Variants in KIAA1217 observed in about 807,000 individuals in gnomAD.
KIAA1217 encodes the protein sickle tail protein homolog.
A neutral mutation model predicts 163.9 loss-of-function variants in KIAA1217; 88 were observed. The observed-to-expected ratio is 0.54, with a 90% CI of 0.45 to 0.64. The LOEUF is 0.64. Among genes scored for constraint, KIAA1217 ranks in the 30% least tolerant of loss-of-function variants. The probability of loss-of-function intolerance (pLI) is 0.00; values close to 1 mark genes in which losing one functional copy is unlikely to be tolerated. For synonymous variants in KIAA1217, 903 were observed against 923.1 expected (o/e 0.98, Z 0.39); for missense variants, 2,372 against 2,475.0 (o/e 0.96, Z 0.88).
At position 24,473,229 on chromosome 10, in the gene KIAA1217, T is replaced by G. The variant is rs2063714183; in HGVS notation, c.848T>G (p.Met283Arg). 1 of 1,510,712 alleles carries G rather than the reference T, an allele frequency of 6.6e-7. No homozygotes were observed. The highest frequency in any genetic ancestry group is 2.3e-5 in the Admixed American group (1 of 43,926). 93.6% of individuals were successfully genotyped at this position (1,510,712 alleles called of 1,614,324 possible). ...TCTGATCCCTTGTTTTCTTTTCAGA[T>G]GCAGAGAGAACTTGTTTATGCAAGA... ...TPKTMNGDMR[M>R]QRELVYARGD... Residue 283 changes from methionine (M) to arginine (R), a missense_variant and splice_region_variant, in exon 6 of 21, where the codon ATG (methionine) becomes AGG (arginine). Physicochemically the swap from Met to Arg is moderately conservative, Grantham distance 91. Coordinates refer to ENST00000376454, the MANE Select transcript of KIAA1217 (RefSeq NM_019590.5).
intron 2 of KIAA1217, chr10:24,367,033 G>T (rs1304380085): frequency 6.9e-6 from 2 of 290,736 alleles, no homozygotes; most frequent in Non-Finnish European, 1.0e-5. Flanking sequence ...TAAATAGGTG[G>T]TCCATTTGGT....
intron 1 of KIAA1217, among the ~76,000 whole-genome samples, chr10:23,968,727 G>T (rs1269855624): frequency 2.6e-5 from 4 of 152,074 alleles, no homozygotes; most frequent in Non-Finnish European, 5.9e-5. Context: ...CTATACAATG[G>T]GTGGTCTTTT....
At chr10:24,436,233 T>C (rs1418301607) in intron 4 of KIAA1217, among the ~76,000 whole-genome samples, 2 of 152,168 alleles carry the variant, frequency 1.3e-5, no homozygotes, top group Non-Finnish European at 2.9e-5. Context: ...ATTTATAAAT[T>C]TGTCTGTAAT....
At chr10:23,741,008 G>GT (rs1230792290) in intron 1 of KIAA1217, among the ~76,000 whole-genome samples, 3 of 152,176 alleles carry the variant, frequency 2.0e-5, no homozygotes, top group Non-Finnish European at 4.4e-5. Context: ...TCAAATGTTA[G>GT]TTTGCTCTTT....
intron 2 of KIAA1217, among the ~76,000 whole-genome samples, chr10:24,304,952 C>T (rs1190693343): frequency 6.6e-6 from 1 of 151,980 alleles, no homozygotes; most frequent in African/African-American, 2.4e-5. Flanking sequence ...ATTTAGAGCC[C>T]AGGGTACAGT....
intron 2 of KIAA1217, among the ~76,000 whole-genome samples, chr10:24,189,459 A>G (rs1412623578): frequency 6.6e-6 from 1 of 152,146 alleles, no homozygotes; most frequent in Non-Finnish European, 1.5e-5. Flanking sequence ...ATATTTTTCT[A>G]TCCCTTATCT....
chr10:24,494,298 G>T (rs1445679737), intron 6 of KIAA1217, among the ~76,000 whole-genome samples: 2 of 152,164 alleles, frequency 1.3e-5, no homozygotes, highest in South Asian at 2.1e-4. Flanking sequence ...AGCCAGTCAG[G>T]TCACTGGCTT....
At chr10:23,871,391 C>G (rs922898249) in intron 1 of KIAA1217, among the ~76,000 whole-genome samples, 1 of 152,156 alleles carries the variant, frequency 6.6e-6, no homozygotes, top group South Asian at 2.1e-4. Flanking sequence ...TGGGGTCTTG[C>G]TCTTCTAAGG....
intron 2 of KIAA1217, among the ~76,000 whole-genome samples, chr10:24,298,420 C>T (rs949098080): frequency 2.6e-5 from 4 of 152,126 alleles, no homozygotes; most frequent in African/African-American, 9.7e-5. Flanking sequence ...TTGAGAATTA[C>T]TGGCATGGAC....
Position 23,914,358 on chromosome 10 carries a change from A to AGGC in KIAA1217, c.-320-92866_-320-92864dup, listed in dbSNP as rs141006391. Reference sequence around the variant, plus strand: ...AAGATAGGATCTCACTCTGTTTCCCAGGCTGGAGTGTAGTGGCACAGTCAT... The same window carrying AGGC: ...AAGATAGGATCTCACTCTGTTTCCCAGGCGGCTGGAGTGTAGTGGCACAGTCAT... On this transcript the variant is annotated intron_variant, in intron 1 of 18. Coordinates refer to the KIAA1217 transcript ENST00000376462. 6.0e-3 allele frequency among the ~76,000 whole-genome samples: 912 copies of AGGC among 152,286 alleles called. 11 individuals are homozygous for AGGC. Among genetic ancestry groups the AGGC allele is most frequent in the African/African-American group, 0.021 (856 of 41,560 alleles).
intron 6 of KIAA1217, among the ~76,000 whole-genome samples, chr10:24,479,164 G>A (rs1266889063): frequency 6.6e-6 from 1 of 152,188 alleles, no homozygotes; most frequent in Non-Finnish European, 1.5e-5. Flanking sequence ...GTGTACAGGA[G>A]GAAGCCCACA....
chr10:24,061,642 G>A (rs1259025603), intron 2 of KIAA1217, among the ~76,000 whole-genome samples: 2 of 152,084 alleles, frequency 1.3e-5, no homozygotes, highest in Non-Finnish European at 2.9e-5. Flanking sequence ...TTGAAGAACA[G>A]TTTTGACCAG....
chr10:24,250,616 A>T (rs143859655), intron 2 of KIAA1217, among the ~76,000 whole-genome samples: 56,174 of 65,898 alleles, frequency 0.85, 23,225 homozygotes, highest in African/African-American at 0.88. Flanking sequence ...TTTTTTTTGT[A>T]TTGTTAATAG....
At chr10:24,385,411 C>G (rs1354792697) in intron 3 of KIAA1217, among the ~76,000 whole-genome samples, 2 of 152,190 alleles carry the variant, frequency 1.3e-5, no homozygotes, top group Non-Finnish European at 2.9e-5. Context: ...TTAGACATCA[C>G]TGGTGTCTGT....
chr10:23,851,011 A>AT (rs200995800), intron 1 of KIAA1217, among the ~76,000 whole-genome samples: 4 of 151,632 alleles, frequency 2.6e-5, no homozygotes, highest in Non-Finnish European at 5.9e-5. Flanking sequence ...GGGGATTACA[A>AT]TTTTTTTTAT....
chr10:24,434,076 G>A (rs909895032), intron 4 of KIAA1217, among the ~76,000 whole-genome samples: 8 of 113,324 alleles, frequency 7.1e-5, no homozygotes, highest in African/African-American at 1.4e-4. Context: ...TTGCTCTTTC[G>A]CCCAGGCTGG....
intron 1 of KIAA1217, among the ~76,000 whole-genome samples, chr10:23,858,931 T>C (rs1445007568): frequency 6.6e-6 from 1 of 152,220 alleles, no homozygotes; most frequent in Non-Finnish European, 1.5e-5. Flanking sequence ...CTACCACTTC[T>C]CTTTCCTCCC....
intron 2 of KIAA1217, among the ~76,000 whole-genome samples, chr10:24,335,559 CTTTAT>C (rs1334186014): frequency 3.3e-5 from 5 of 150,448 alleles, no homozygotes; most frequent in Admixed American, 1.3e-4. Flanking sequence ...AGATTGTGTA[CTTTAT>C]TTTATTTAAT....
chr10:24,048,187 A>C (rs1018733713), intron 2 of KIAA1217, among the ~76,000 whole-genome samples: 6 of 152,174 alleles, frequency 3.9e-5, no homozygotes, highest in Non-Finnish European at 8.8e-5. Flanking sequence ...CATTACTGAG[A>C]CCAGTTCGTC....
Sources: allele counts gnomAD v4.1 joint callset (sites outside exome capture counted in the v4.1 genomes callset), GRCh38; gene constraint gnomAD v4.1.1; transcripts MANE v1.5; gene names NCBI Gene and HGNC (gene_info 2026-07-23, HGNC 2026-07-21).